The following DNAH6 variants were observed in gnomAD, a reference collection of about 807,000 sequenced individuals.
DNAH6 encodes the protein axonemal beta dynein heavy chain 6.
Under a neutral mutation model 491.4 loss-of-function variants are expected in DNAH6, and 340 were observed. The observed-to-expected ratio is 0.69, with a 90% CI of 0.63 to 0.76. DNAH6 has a LOEUF of 0.76. Among genes scored for constraint, DNAH6 ranks in the 30% least tolerant of loss-of-function variants. The probability of loss-of-function intolerance (pLI) is 0.00; values close to 1 mark genes in which losing one functional copy is unlikely to be tolerated. For synonymous variants in DNAH6, 1,603 were observed against 1,686.1 expected (o/e 0.95, Z 1.21); for missense variants, 4,443 against 4,972.2 (o/e 0.89, Z 3.20).
At chr2:84,537,321 T>C (rs1009359096) in intron 4 of DNAH6, among the ~76,000 whole-genome samples, 1 of 152,074 alleles carries the variant, frequency 6.6e-6, no homozygotes, top group Non-Finnish European at 1.5e-5. Flanking sequence ...GATTCTTTTT[T>C]TCTGAGCATG....
the DNAH6 span, among the ~76,000 whole-genome samples, chr2:84,484,477 A>G: frequency 6.6e-6 from 1 of 152,190 alleles, no homozygotes; most frequent in Non-Finnish European, 1.5e-5. Context: ...TCAAGTCAAG[A>G]TGTTAGCAAG....
At chr2:84,576,301 C>T (rs189324373) in intron 12 of DNAH6, among the ~76,000 whole-genome samples, 65 of 152,124 alleles carry the variant, frequency 4.3e-4, no homozygotes, top group Non-Finnish European at 7.9e-4. Context: ...TTTCCCAAGG[C>T]CACACATGGG....
At chr2:84,621,842 G>C (rs1687428351) in intron 26 of DNAH6, among the ~76,000 whole-genome samples, 1 of 152,172 alleles carries the variant, frequency 6.6e-6, no homozygotes, top group African/African-American at 2.4e-5. Flanking sequence ...AGGACAAACT[G>C]TATTCACTAG....
chr2:84,589,183 T>C (rs1268317371), intron 16 of DNAH6, among the ~76,000 whole-genome samples: 1 of 152,244 alleles, frequency 6.6e-6, no homozygotes, highest in Non-Finnish European at 1.5e-5. Context: ...AAAATAATTG[T>C]GAATTATGCA....
chr2:84,581,342 A>C (rs1683001408), intron 14 of DNAH6, among the ~76,000 whole-genome samples: 1 of 152,198 alleles, frequency 6.6e-6, no homozygotes, highest in Non-Finnish European at 1.5e-5. Flanking sequence ...TGCACACACA[A>C]AAACTTTTTT....
chr2:84,628,102 G>A (rs997639688), intron 29 of DNAH6, among the ~76,000 whole-genome samples: 4 of 152,142 alleles, frequency 2.6e-5, no homozygotes, highest in South Asian at 4.1e-4. Flanking sequence ...AATTGGCAAA[G>A]TGGGTTCAAG....
At chr2:84,759,826 A>C (rs1674398481) in intron 63 of DNAH6, among the ~76,000 whole-genome samples, 1 of 152,198 alleles carries the variant, frequency 6.6e-6, no homozygotes, top group Non-Finnish European at 1.5e-5. Context: ...AAGAAAAAAG[A>C]AAAAAGCTGG....
chr2:84,544,211 C>T, intron 4 of DNAH6, 22 bp from the exon 5 acceptor site: 1 of 1,261,788 alleles, frequency 7.9e-7, no homozygotes, highest in Non-Finnish European at 1.1e-6. Flanking sequence ...ATTTATTAGT[C>T]CCAATTTTTA....
chr2:84,502,358 T>G, the DNAH6 span, among the ~76,000 whole-genome samples: 1 of 152,224 alleles, frequency 6.6e-6, no homozygotes, highest in African/African-American at 2.4e-5. Context: ...ATTTCTAATT[T>G]TATTCCTTTG....
At chr2:84,493,514 A>G in the DNAH6 span, among the ~76,000 whole-genome samples, 20 of 152,306 alleles carry the variant, frequency 1.3e-4, no homozygotes, top group East Asian at 3.9e-3. Context: ...TTAAAGTCAA[A>G]TTTATAAAAG....
intron 16 of DNAH6, among the ~76,000 whole-genome samples, chr2:84,593,428 T>C (rs1473685406): frequency 6.6e-6 from 1 of 152,214 alleles, no homozygotes; most frequent in Non-Finnish European, 1.5e-5. Context: ...ACACTTCTCA[T>C]GAAAACACCT....
intron 18 of DNAH6, 27 bp from the exon 19 acceptor site, chr2:84,604,312 A>G (rs1685545850): frequency 6.6e-7 from 1 of 1,518,012 alleles, no homozygotes; most frequent in Non-Finnish European, 9.0e-7. Flanking sequence ...AAAAAGCTTC[A>G]TGTCTCTGAG....
chr2:84,751,911 T>C (rs1673509663), intron 63 of DNAH6, among the ~76,000 whole-genome samples: 1 of 152,248 alleles, frequency 6.6e-6, no homozygotes, highest in African/African-American at 2.4e-5. Context: ...GCAAACATAC[T>C]TTGAGAACCA....
chr2:84,797,808 A>T (rs1678492442), intron 70 of DNAH6, 150 bp downstream of exon 70: 1 of 750,080 alleles, frequency 1.3e-6, no homozygotes, highest in African/African-American at 1.8e-5. Context: ...ATTTGGTTCC[A>T]ATTTAGCCTG....
chr2:84,592,724 T>C (rs1326313958), intron 16 of DNAH6, among the ~76,000 whole-genome samples: 5 of 152,150 alleles, frequency 3.3e-5, no homozygotes, highest in Non-Finnish European at 7.4e-5. Flanking sequence ...AAATATGGTA[T>C]CTACATAAAA....
chr2:84,653,973 T>TA, intron 34 of DNAH6, 99 bp downstream of exon 34: 1 of 927,922 alleles, frequency 1.1e-6, no homozygotes, highest in Non-Finnish European at 1.6e-6. Context: ...CTATCTATAA[T>TA]GTCTATTATT....
At chr2:84,683,437 T>C (rs1242468760) in intron 42 of DNAH6, among the ~76,000 whole-genome samples, 1 of 118,504 alleles carries the variant, frequency 8.4e-6, no homozygotes, top group Admixed American at 9.0e-5. Context: ...TTTTTTTTTT[T>C]TTGAGATAGA....
At chr2:84,505,761 G>A in the DNAH6 span, among the ~76,000 whole-genome samples, 22 of 151,810 alleles carry the variant, frequency 1.4e-4, no homozygotes, top group Non-Finnish European at 2.4e-4. Flanking sequence ...TCCTGTGTCC[G>A]TGTGTTCTCA....
chr2:84,695,945 C>T (rs1165349571), intron 46 of DNAH6, among the ~76,000 whole-genome samples: 1 of 151,808 alleles, frequency 6.6e-6, no homozygotes, highest in Non-Finnish European at 1.5e-5. Context: ...CTCAAATGTT[C>T]TACAATAATG....
Sources: gnomAD v4.1 joint callset for allele counts (sites outside exome capture counted in the v4.1 genomes callset) on GRCh38, gnomAD v4.1.1 for gene constraint, MANE v1.5 for transcripts, NCBI Gene and HGNC (gene_info 2026-07-23, HGNC 2026-07-21) for gene names.